The following AGAP1 variants were observed in gnomAD, a reference collection of about 807,000 sequenced individuals.
AGAP1 encodes arf-GAP with GTPase, ANK repeat and PH domain-containing protein 1.
In AGAP1, 29 loss-of-function variants were observed where a neutral mutation model predicts 105.3. The observed-to-expected ratio is 0.28, with a 90% CI of 0.21 to 0.38. The LOEUF (loss-of-function observed/expected upper bound fraction) is 0.38. AGAP1 is among the 10% of genes least tolerant of loss of function. The pLI, the probability that AGAP1 is intolerant of heterozygous loss-of-function variation, is 1.00. For synonymous variants in AGAP1, 509 were observed against 485.9 expected (o/e 1.05, Z -0.63); for missense variants, 998 against 1,165.1 (o/e 0.86, Z 2.09).
At chr2:235,537,041 C>A (rs1404163953) in intron 1 of AGAP1, among the ~76,000 whole-genome samples, 1 of 152,200 alleles carries the variant, frequency 6.6e-6, no homozygotes, top group East Asian at 1.9e-4. Context: ...ATGAGCAGCT[C>A]CTCTGCGCCT....
At chr2:235,518,758 C>T (rs900993592) in intron 1 of AGAP1, among the ~76,000 whole-genome samples, 2 of 152,232 alleles carry the variant, frequency 1.3e-5, no homozygotes, top group African/African-American at 2.4e-5. Context: ...GTAATAATAA[C>T]TTTCTATCTC....
chr2:236,110,829 C>T (rs1371554580), intron 16 of AGAP1, among the ~76,000 whole-genome samples: 8 of 152,122 alleles, frequency 5.3e-5, no homozygotes, highest in African/African-American at 1.4e-4. Context: ...TAACAAAATA[C>T]CTTAAATGGG....
intron 9 of AGAP1, among the ~76,000 whole-genome samples, chr2:235,852,214 G>C (rs1453837495): frequency 6.6e-6 from 1 of 152,204 alleles, no homozygotes; most frequent in Non-Finnish European, 1.5e-5. Flanking sequence ...TTCTGTAGCC[G>C]ATTACCCAAT....
At position 235,691,180 on chromosome 2, in the gene AGAP1, C is replaced by T. The variant is rs572913974; in HGVS notation, c.164-17999C>T. Among the ~76,000 whole-genome samples the T allele has an allele frequency of 6.6e-6, 1 of 152,302 alleles. No individual in the cohort carries two copies. The highest frequency in any genetic ancestry group is 1.9e-4 in the East Asian group (1 of 5,170). The stretch of plus-strand genomic sequence containing the variant: ...TTGGTCCCTTCTGAGAGACCCCAGC[C>T]CCGAGAGGCTCTGGGCTGCTGGATG... On this transcript the variant is annotated intron_variant, in intron 1 of 17. Transcript: ENST00000304032. The surrounding 1 kb of genome is among the most constrained non-coding windows in gnomAD (Gnocchi z 4.4).
In AGAP1 at chr2:235,963,837, C is replaced by G. The variant is rs984061652; in HGVS notation, c.1484-4625C>G. Among the ~76,000 whole-genome samples, 7 of 152,134 alleles carry G rather than the reference C, an allele frequency of 4.6e-5. No individual in the cohort carries two copies. The highest frequency in any genetic ancestry group is 1.7e-4 in the African/African-American group (7 of 41,420). On this transcript the variant is annotated intron_variant, in intron 12 of 17. Transcript: ENST00000304032. This position sits in a 1 kb window ranked among gnomAD's most constrained non-coding sequence, Gnocchi z 5.1. Reference sequence around the variant, plus strand: ...GAACACAGAGACATAGAGTGGTGGCCTGGAATAGAGAGCCTAGCGGTAGAC... The same window carrying G: ...GAACACAGAGACATAGAGTGGTGGCGTGGAATAGAGAGCCTAGCGGTAGAC...
intron 6 of AGAP1, among the ~76,000 whole-genome samples, chr2:235,779,081 C>T (rs1173878452): frequency 6.6e-6 from 1 of 152,254 alleles, no homozygotes; most frequent in Non-Finnish European, 1.5e-5. Context: ...GAGCTGGGAA[C>T]CCAGGCAGTC....
intron 12 of AGAP1, among the ~76,000 whole-genome samples, chr2:235,933,820 C>A (rs552925879): frequency 1.3e-5 from 2 of 152,164 alleles, no homozygotes; most frequent in South Asian, 4.1e-4. Flanking sequence ...CATGAGCCAC[C>A]GCGCCCGGCC....
chr2:235,809,969 A>C (rs1454100426), intron 9 of AGAP1, among the ~76,000 whole-genome samples: 3 of 152,206 alleles, frequency 2.0e-5, no homozygotes, highest in African/African-American at 7.2e-5. Context: ...TTAAACACAG[A>C]GATAGGGAGG....
chr2:235,845,673 C>T lies in AGAP1; in HGVS notation c.1051-37672C>T, dbSNP rs753603050. Among the ~76,000 whole-genome samples, 1 of 152,096 alleles carries T rather than the reference C, an allele frequency of 6.6e-6. No individual in the cohort carries two copies. On this transcript the variant is annotated intron_variant, in intron 9 of 17. Transcript: ENST00000304032. This position sits in a 1 kb window ranked among gnomAD's most constrained non-coding sequence, Gnocchi z 4.8. ...GTATAATCTGCTTGTCTTTGCCTCT[C>T]GGTGACATCCACGGAGTCACCCAAG... is the stretch of plus-strand genomic sequence containing the variant.
chr2:235,986,992 G>A lies in AGAP1; in HGVS notation c.1645+18369G>A, dbSNP rs546314908. On this transcript the variant is annotated intron_variant, in intron 13 of 17. Coordinates refer to ENST00000304032, the MANE Select transcript of AGAP1 (RefSeq NM_001037131.3). Reference sequence around the variant, plus strand: ...CAGGATGATACTGGCTTCATAAAATGAGTTAGGGAGGAATGTCTCCTTTTC... The same window carrying A: ...CAGGATGATACTGGCTTCATAAAATAAGTTAGGGAGGAATGTCTCCTTTTC... 2.6e-5 allele frequency among the ~76,000 whole-genome samples: 4 copies of A among 152,288 alleles called. No homozygotes were observed. The South Asian group carries it at 6.2e-4, about 24-fold the overall frequency.
At position 236,056,267 on chromosome 2, in the gene AGAP1, C is replaced by T. The variant is rs1216965232; in HGVS notation, c.2114+6986C>T. 6.6e-6 allele frequency among the ~76,000 whole-genome samples: 1 copy of T among 152,188 alleles called. No homozygotes were observed. The highest frequency in any genetic ancestry group is 2.4e-5 in the African/African-American group (1 of 41,434). On this transcript the variant is annotated intron_variant, in intron 16 of 17. Coordinates refer to ENST00000304032, the MANE Select transcript of AGAP1 (RefSeq NM_001037131.3). This position sits in a 1 kb window ranked among gnomAD's most constrained non-coding sequence, Gnocchi z 4.6. ...TCATGCCGCCTGCCACACAGGAACC[C>T]CAGTTATTTGTTTGATCCTGCAAGA...
rs1286929428 is a variant in AGAP1 at position 235,517,491 on chromosome 2, G to A, written c.163+22642G>A. On this transcript the variant is annotated intron_variant, in intron 1 of 17. Coordinates refer to ENST00000304032, the MANE Select transcript of AGAP1 (RefSeq NM_001037131.3). This position sits in a 1 kb window ranked among gnomAD's most constrained non-coding sequence, Gnocchi z 4.1. Reference sequence around the variant, plus strand: ...TTATGGTAATTTTATTTTAATTGAGGTCGCAGGGACTAATTTTTACTGGAA... The same window carrying A: ...TTATGGTAATTTTATTTTAATTGAGATCGCAGGGACTAATTTTTACTGGAA... Among the ~76,000 whole-genome samples the A allele has an allele frequency of 6.6e-6, 1 of 152,112 alleles. No homozygotes were observed. The highest frequency in any genetic ancestry group is 1.5e-5 in the Non-Finnish European group (1 of 68,028).
rs142829771 is a variant in AGAP1 at position 235,721,374 on chromosome 2, T to C, written c.310+3730T>C. ...GGATATAAATATTCTGTTTTTCAATTAGTGAATTAACAACACAAAAGTGGG... is the reference window on the plus strand; with the variant it reads ...GGATATAAATATTCTGTTTTTCAATCAGTGAATTAACAACACAAAAGTGGG... On this transcript the variant is annotated intron_variant, in intron 3 of 17. Transcript: ENST00000304032. The surrounding 1 kb of genome is among the most constrained non-coding windows in gnomAD (Gnocchi z 4.5). Among the ~76,000 whole-genome samples the C allele has an allele frequency of 1.1e-3, 175 of 152,240 alleles. 1 individual carries two copies. The highest frequency in any genetic ancestry group is 4.1e-3 in the African/African-American group (171 of 41,536).
chr2:236,040,061 T>C lies in AGAP1; in HGVS notation c.1801-690T>C, dbSNP rs2057499938. On this transcript the variant is annotated intron_variant, in intron 14 of 17. Coordinates refer to ENST00000304032, the MANE Select transcript of AGAP1 (RefSeq NM_001037131.3). The surrounding 1 kb of genome is among the most constrained non-coding windows in gnomAD (Gnocchi z 5.6). ...ACGAGTTCAAGGCTGCAGTGAGCTA[T>C]GATCACACCACTGCACCCCAGCCTC... Among the ~76,000 whole-genome samples, 1 of 152,022 alleles carries C rather than the reference T, an allele frequency of 6.6e-6. No individual in the cohort carries two copies. The highest frequency in any genetic ancestry group is 2.4e-5 in the African/African-American group (1 of 41,374).
intron 12 of AGAP1, among the ~76,000 whole-genome samples, chr2:235,943,362 A>ATTTTTTT (rs562379887): frequency 0.057 from 7,291 of 126,896 alleles, 581 homozygotes; most frequent in African/African-American, 0.13. Flanking sequence ...AAAGGACTTA[A>ATTTTTTT]TTTTTTTTTT....
rs992519808 is a variant in AGAP1, at chr2:236,000,770, C to A, written c.1645+32147C>A. 2.6e-5 allele frequency among the ~76,000 whole-genome samples: 4 copies of A among 151,982 alleles called. No individual in the cohort carries two copies. Among genetic ancestry groups the A allele is most frequent in the Non-Finnish European group, 4.4e-5 (3 of 68,006 alleles). The stretch of plus-strand genomic sequence containing the variant: ...CTAGAGATTGTGTTTGCAGTGAGGG[C>A]CACTAAGGGGGGCGGAGAAGACCCC... On this transcript the variant is annotated intron_variant, in intron 13 of 17. Transcript: ENST00000304032. The surrounding 1 kb of genome is among the most constrained non-coding windows in gnomAD (Gnocchi z 4.3).
Position 235,961,595 on chromosome 2 carries a change from A to G in AGAP1, c.1484-6867A>G, listed in dbSNP as rs2054188088. 6.6e-6 allele frequency among the ~76,000 whole-genome samples: 1 copy of G among 152,142 alleles called. No homozygotes were observed. Among genetic ancestry groups the G allele is most frequent in the African/African-American group, 2.4e-5 (1 of 41,430 alleles). On this transcript the variant is annotated intron_variant, in intron 12 of 17. Coordinates refer to ENST00000304032, the MANE Select transcript of AGAP1 (RefSeq NM_001037131.3). The surrounding 1 kb of genome is among the most constrained non-coding windows in gnomAD (Gnocchi z 5.9). ...TGTCCAGGGTGGAGGTGTGCGGCCAAGGGAGAGTTGTGTTAAAAATGTGAG... is the reference window on the plus strand; with the variant it reads ...TGTCCAGGGTGGAGGTGTGCGGCCAGGGGAGAGTTGTGTTAAAAATGTGAG...
At position 236,061,630 on chromosome 2, in the gene AGAP1, G is replaced by A. The variant is rs182337719; in HGVS notation, c.2114+12349G>A. 6.6e-6 allele frequency among the ~76,000 whole-genome samples: 1 copy of A among 152,278 alleles called. No individual in the cohort carries two copies. Among genetic ancestry groups the A allele is most frequent in the East Asian group, 1.9e-4 (1 of 5,166 alleles). On this transcript the variant is annotated intron_variant, in intron 16 of 17. Coordinates refer to ENST00000304032, the MANE Select transcript of AGAP1 (RefSeq NM_001037131.3). This position sits in a 1 kb window ranked among gnomAD's most constrained non-coding sequence, Gnocchi z 4.1. ...GGCCACACCGTGTACCATTCCATCT[G>A]TCTGATGGCGAAAACAGGCACCTCC...
chr2:235,931,136 T>C lies in AGAP1; in HGVS notation c.1483+213T>C, dbSNP rs1019031975. Among the ~76,000 whole-genome samples, 1 of 152,194 alleles carries C rather than the reference T, an allele frequency of 6.6e-6. No homozygotes were observed. The highest frequency in any genetic ancestry group is 6.5e-5 in the Admixed American group (1 of 15,282). ...GCCCCTGTCATCTCATCTGTTCCTCTTTGGCACAGGGAGGAGGTAGTCATC... is the reference window on the plus strand; with the variant it reads ...GCCCCTGTCATCTCATCTGTTCCTCCTTGGCACAGGGAGGAGGTAGTCATC... On this transcript the variant is annotated intron_variant, in intron 12 of 17. Coordinates refer to ENST00000304032, the MANE Select transcript of AGAP1 (RefSeq NM_001037131.3). This position sits in a 1 kb window ranked among gnomAD's most constrained non-coding sequence, Gnocchi z 5.6.
Sources: allele counts gnomAD v4.1 joint callset (sites outside exome capture counted in the v4.1 genomes callset), GRCh38; gene constraint gnomAD v4.1.1; non-coding constraint Gnocchi (gnomAD v3.1); transcripts MANE v1.5; gene names NCBI Gene and HGNC (gene_info 2026-07-23, HGNC 2026-07-21).